Variants in NKAIN3 observed in about 807,000 individuals in gnomAD.
NKAIN3 encodes the protein sodium/potassium-transporting ATPase subunit beta-1-interacting protein 3.
NKAIN3 carries 25 observed loss-of-function variants against 30.2 expected under a neutral mutation model. The ratio of observed to expected loss-of-function variants is 0.83; its 90% confidence interval spans 0.60 to 1.16. The LOEUF is 1.16. NKAIN3 is among the 50% of genes most tolerant of loss of function. The probability of loss-of-function intolerance (pLI) is 0.00; values close to 1 mark genes in which losing one functional copy is unlikely to be tolerated. For synonymous variants in NKAIN3, 91 were observed against 89.6 expected (o/e 1.02, Z -0.09); for missense variants, 225 against 254.1 (o/e 0.89, Z 0.78).
chr8:62,496,654 T>G (rs945378369), intron 1 of NKAIN3, among the ~76,000 whole-genome samples: 1 of 152,086 alleles, frequency 6.6e-6, no homozygotes, highest in African/African-American at 2.4e-5. Flanking sequence ...GAGTTCATGA[T>G]TGAGATAATA....
intron 3 of NKAIN3, among the ~76,000 whole-genome samples, chr8:62,595,980 T>C (rs372938365): frequency 6.6e-6 from 1 of 152,046 alleles, no homozygotes; most frequent in South Asian, 2.1e-4. Flanking sequence ...TTGAAATGTA[T>C]GGCCTGCAGT....
intron 1 of NKAIN3, among the ~76,000 whole-genome samples, chr8:62,415,209 TATTA>T (rs1487194684): frequency 7.0e-6 from 1 of 142,544 alleles, no homozygotes; most frequent in African/African-American, 2.6e-5. Flanking sequence ...ATATATATTA[TATTA>T]TTTTATATAC....
chr8:62,672,898 A>G (rs1203993374), intron 3 of NKAIN3, among the ~76,000 whole-genome samples: 1 of 152,190 alleles, frequency 6.6e-6, no homozygotes, highest in Non-Finnish European at 1.5e-5. Flanking sequence ...GTCATACTTT[A>G]CAGGTTTTTA....
chr8:62,886,562 T>C (rs1821154108), intron 4 of NKAIN3, among the ~76,000 whole-genome samples: 1 of 152,192 alleles, frequency 6.6e-6, no homozygotes, highest in African/African-American at 2.4e-5. Context: ...TTTTATTTTA[T>C]AATAAAATCT....
At chr8:62,347,068 A>G (rs1397001707) in intron 1 of NKAIN3, among the ~76,000 whole-genome samples, 1 of 152,148 alleles carries the variant, frequency 6.6e-6, no homozygotes, top group Non-Finnish European at 1.5e-5. Flanking sequence ...ACAGATAGTT[A>G]CAAGTGATGC....
At chr8:62,603,502 T>C (rs1436042462) in intron 3 of NKAIN3, among the ~76,000 whole-genome samples, 1 of 152,130 alleles carries the variant, frequency 6.6e-6, no homozygotes, top group African/African-American at 2.4e-5. Context: ...TCATTTAAAT[T>C]CTTCGGATAA....
chr8:62,277,835 A>G (rs1040634083), intron 1 of NKAIN3, among the ~76,000 whole-genome samples: 1 of 152,202 alleles, frequency 6.6e-6, no homozygotes. Context: ...GGTAATAGCT[A>G]TATCACTGGA....
At chr8:62,833,698 CAA>C (rs563003978) in intron 4 of NKAIN3, among the ~76,000 whole-genome samples, 2 of 142,920 alleles carry the variant, frequency 1.4e-5, no homozygotes, top group African/African-American at 5.1e-5. Context: ...AACCTACCAA[CAA>C]AAAAAAAAGC....
At chr8:62,477,695 G>A (rs1210019182) in intron 1 of NKAIN3, among the ~76,000 whole-genome samples, 1 of 152,080 alleles carries the variant, frequency 6.6e-6, no homozygotes, top group Non-Finnish European at 1.5e-5. Context: ...AAATGGAATG[G>A]AGTAACTCAG....
intron 1 of NKAIN3, among the ~76,000 whole-genome samples, chr8:62,528,331 ATAT>A (rs1808378592): frequency 3.5e-5 from 1 of 28,356 alleles, no homozygotes; most frequent in Admixed American, 2.8e-4. Flanking sequence ...TATAATATAT[ATAT>A]TATATAATAT....
intron 4 of NKAIN3, among the ~76,000 whole-genome samples, chr8:62,844,668 T>G (rs1257353265): frequency 6.6e-6 from 1 of 152,148 alleles, no homozygotes; most frequent in Non-Finnish European, 1.5e-5. Context: ...ATTAGTTGCT[T>G]TGATACAAAA....
intron 1 of NKAIN3, among the ~76,000 whole-genome samples, chr8:62,420,846 ATTC>A (rs1804615326): frequency 6.6e-6 from 1 of 152,232 alleles, no homozygotes; most frequent in Admixed American, 6.5e-5. Flanking sequence ...TTGTAGTATG[ATTC>A]TTAACAAAAT....
chr8:62,359,927 A>T (rs1429200790), intron 1 of NKAIN3, among the ~76,000 whole-genome samples: 8 of 152,328 alleles, frequency 5.3e-5, no homozygotes, highest in South Asian at 4.1e-4. Context: ...GGCTCTTATT[A>T]CATAAACGGT....
At chr8:62,447,190 A>T (rs1421247102) in intron 1 of NKAIN3, among the ~76,000 whole-genome samples, 3 of 152,084 alleles carry the variant, frequency 2.0e-5, no homozygotes, top group Admixed American at 2.0e-4. Flanking sequence ...TATCCCAGGC[A>T]AACCAGGTCA....
At chr8:62,810,374 G>T (rs999123146) in intron 4 of NKAIN3, among the ~76,000 whole-genome samples, 8 of 152,070 alleles carry the variant, frequency 5.3e-5, no homozygotes, top group Non-Finnish European at 1.5e-5. Flanking sequence ...AGGTAAAAAA[G>T]TGTTTTATTT....
chr8:62,948,731 A>G (rs963604588), intron 5 of NKAIN3, among the ~76,000 whole-genome samples: 5 of 152,234 alleles, frequency 3.3e-5, no homozygotes, highest in African/African-American at 7.2e-5. Flanking sequence ...TTAAGTTGCC[A>G]TATTTATAAA....
chr8:62,764,905 G>A (rs1222751445), intron 4 of NKAIN3, among the ~76,000 whole-genome samples: 1 of 152,068 alleles, frequency 6.6e-6, no homozygotes. Context: ...TAATTTTTTA[G>A]GTGGGGCTTT....
chr8:62,700,771 T>A (rs1001130687), intron 3 of NKAIN3, among the ~76,000 whole-genome samples: 1 of 152,224 alleles, frequency 6.6e-6, no homozygotes, highest in African/African-American at 2.4e-5. Context: ...TCTAGTTAAC[T>A]GATTCTTCAA....
chr8:62,723,742 A>C (rs1815168308), intron 3 of NKAIN3, among the ~76,000 whole-genome samples: 2 of 152,104 alleles, frequency 1.3e-5, no homozygotes, highest in Non-Finnish European at 1.5e-5. Flanking sequence ...AAATTCTTTG[A>C]AGCTTTTGCT....
Sources: allele counts gnomAD v4.1 joint callset (sites outside exome capture counted in the v4.1 genomes callset), GRCh38; gene constraint gnomAD v4.1.1; transcripts MANE v1.5; gene names NCBI Gene and HGNC (gene_info 2026-07-23, HGNC 2026-07-21).